RFX8: variants seen among roughly 807,000 people sequenced by gnomAD.
RFX8 encodes the protein regulatory factor X8.
In RFX8, 46 loss-of-function variants were observed where a neutral mutation model predicts 54.6. The observed-to-expected ratio is 0.84, with a 90% CI of 0.67 to 1.08. The LOEUF is 1.08. Ranked by LOEUF, RFX8 falls within the 50% of genes least tolerant of loss-of-function variation. The pLI is 0.00. For synonymous variants in RFX8, 192 were observed against 209.5 expected, an observed-to-expected ratio of 0.92 and a Z score of 0.72; for missense variants, 536 against 562.3, an observed-to-expected ratio of 0.95 and a Z score of 0.47.
chr2:101,404,592 ATT>A (rs536049460), intron 10 of RFX8, among the ~76,000 whole-genome samples: 8 of 143,486 alleles, frequency 5.6e-5, no homozygotes, highest in African/African-American at 2.0e-4. Flanking sequence ...CACCTGGCTA[ATT>A]TTTTTTTTTT....
chr2:101,452,389 C>A, intron 2 of RFX8: 1 of 1,432,614 alleles, frequency 7.0e-7, no homozygotes, highest in Non-Finnish European at 9.1e-7. Flanking sequence ...ACCTACCTGG[C>A]ACTTCCTCTA....
intron 10 of RFX8, among the ~76,000 whole-genome samples, chr2:101,405,662 C>G (rs933936936): frequency 1.3e-5 from 2 of 152,002 alleles, no homozygotes; most frequent in Non-Finnish European, 2.9e-5. Context: ...GTGCTTTTCT[C>G]TAAATGTCAC....
chr2:101,474,413 G>C, intron 1 of RFX8: 1 of 379,694 alleles, frequency 2.6e-6, no homozygotes, highest in Non-Finnish European at 4.7e-6. Context: ...GCGGGGCGCG[G>C]GGCGGGAGCC....
chr2:101,427,249 C>G (rs1016610757), intron 2 of RFX8, among the ~76,000 whole-genome samples: 1 of 152,144 alleles, frequency 6.6e-6, no homozygotes, highest in African/African-American at 2.4e-5. Flanking sequence ...GGCAAAGGGA[C>G]CTTGCAGATG....
intron 2 of RFX8, among the ~76,000 whole-genome samples, chr2:101,435,993 C>G (rs1336747400): frequency 6.6e-6 from 1 of 152,174 alleles, no homozygotes; most frequent in Non-Finnish European, 1.5e-5. Context: ...AGCCACCTCT[C>G]CAGGTGTCCA....
rs1260435329 is a variant in RFX8 at position 101,397,390 on chromosome 2, GA to G, written c.*157del. On this transcript the variant is annotated 3_prime_UTR_variant, in exon 12 of 12. Coordinates refer to ENST00000428343, the MANE Select transcript of RFX8 (RefSeq NM_001145664.2). ...TCCAAATCAGTTTACATATTTTATC[GA>G]AACCACCTCCTTGAAATACATATAA... 1 of 439,652 alleles carries G rather than the reference GA, an allele frequency of 2.3e-6. No homozygotes were observed. The highest frequency in any genetic ancestry group is 3.8e-6 in the Non-Finnish European group (1 of 264,168). The allele number at this position is 439,652 out of a possible 1,614,324, so 27.2% of individuals were successfully genotyped here. A position where few individuals can be genotyped will look rare whatever the true frequency, so the allele number is the denominator to read the frequency against.
At chr2:101,401,349 T>C (rs1211228048) in intron 11 of RFX8, among the ~76,000 whole-genome samples, 3 of 152,120 alleles carry the variant, frequency 2.0e-5, no homozygotes, top group African/African-American at 2.4e-5. Flanking sequence ...ATCTCTGCAA[T>C]CGGAGAACTC....
chr2:101,449,190 ACG>A (rs1688551532), intron 2 of RFX8, among the ~76,000 whole-genome samples: 1 of 140,754 alleles, frequency 7.1e-6, no homozygotes, highest in African/African-American at 2.6e-5. Flanking sequence ...TAGGCAACAC[ACG>A]GTTGGAAAGT....
At chr2:101,404,723 G>A (rs1288648322) in intron 10 of RFX8, among the ~76,000 whole-genome samples, 2 of 151,786 alleles carry the variant, frequency 1.3e-5, no homozygotes, top group Non-Finnish European at 2.9e-5. Context: ...CACCACACCC[G>A]GCTCAGGGCT....
chr2:101,421,537 A>G (rs958410382), intron 4 of RFX8, 187 bp downstream of exon 4: 25 of 1,308,170 alleles, frequency 1.9e-5, no homozygotes, highest in Non-Finnish European at 2.2e-5. Flanking sequence ...TACACTGAAT[A>G]TCGATCTCAC....
intron 1 of RFX8, chr2:101,474,395 G>A (rs566220100): frequency 6.8e-5 from 26 of 383,160 alleles, no homozygotes; most frequent in African/African-American, 4.8e-4. Flanking sequence ...GGAGCGCGCG[G>A]GGGGCGCGCG....
At chr2:101,418,400 A>G (rs1414743878) in intron 5 of RFX8, among the ~76,000 whole-genome samples, 2 of 152,196 alleles carry the variant, frequency 1.3e-5, no homozygotes, top group Non-Finnish European at 2.9e-5. Flanking sequence ...GCTGAAGGAG[A>G]ACACCTTTTT....
intron 2 of RFX8, chr2:101,452,315 A>T (rs1024644267): frequency 2.3e-6 from 2 of 853,656 alleles, no homozygotes; most frequent in Middle Eastern, 2.3e-4. Flanking sequence ...TGCATTTTTT[A>T]TCATTCATTT....
intron 2 of RFX8, among the ~76,000 whole-genome samples, chr2:101,440,143 A>G (rs6710049): frequency 0.76 from 114,884 of 151,844 alleles, 44,429 homozygotes; most frequent in Middle Eastern, 0.88. Flanking sequence ...TTCATATACC[A>G]TACAATTCAC....
At chr2:101,466,212 G>A (rs1209836807) in intron 2 of RFX8, among the ~76,000 whole-genome samples, 1 of 151,834 alleles carries the variant, frequency 6.6e-6, no homozygotes, top group Non-Finnish European at 1.5e-5. Flanking sequence ...AGATGCAAGA[G>A]GCAGGAGGCT....
chr2:101,401,518 T>C (rs1394154088), intron 11 of RFX8, among the ~76,000 whole-genome samples: 1 of 152,238 alleles, frequency 6.6e-6, no homozygotes, highest in Non-Finnish European at 1.5e-5. Context: ...ACAACTCATC[T>C]GTGCGAGAGG....
chr2:101,447,679 C>A (rs911839850), intron 2 of RFX8, among the ~76,000 whole-genome samples: 2 of 152,138 alleles, frequency 1.3e-5, no homozygotes, highest in Non-Finnish European at 2.9e-5. Context: ...ACTATAGTCA[C>A]CCTACTGGGC....
intron 2 of RFX8, among the ~76,000 whole-genome samples, chr2:101,454,068 C>T (rs1482713662): frequency 1.4e-5 from 2 of 148,128 alleles, no homozygotes; most frequent in Non-Finnish European, 3.0e-5. Context: ...CCCCGACAGG[C>T]CCCGGTGTGT....
chr2:101,418,888 C>A lies in RFX8; in HGVS notation c.314G>T (p.Cys105Phe), dbSNP rs1484073782. Residue 105 changes from cysteine (C) to phenylalanine (F), a missense_variant, in exon 5 of 12, where the codon TGC (cysteine) becomes TTC (phenylalanine). Cys to Phe is a radical substitution (Grantham distance 205, BLOSUM62 -2). Coordinates refer to ENST00000428343, the MANE Select transcript of RFX8 (RefSeq NM_001145664.2). Reference sequence around the variant, plus strand: ...GACGTCGTAGCATTTAAAGAGCTGGCACACGTCAGGCAATGACATCAGCAT... The same window carrying A: ...GACGTCGTAGCATTTAAAGAGCTGGAACACGTCAGGCAATGACATCAGCAT... The part of the protein sequence containing the change: ...TVMLMSLPDV[C>F]QLFKCYDVQL... 1 of 1,551,464 alleles carries A rather than the reference C, an allele frequency of 6.4e-7. No individual in the cohort carries two copies. Among genetic ancestry groups the A allele is most frequent in the Admixed American group, 2.0e-5 (1 of 51,010 alleles).
Sources: gnomAD v4.1 joint callset for allele counts (sites outside exome capture counted in the v4.1 genomes callset) on GRCh38, gnomAD v4.1.1 for gene constraint, MANE v1.5 for transcripts, NCBI Gene and HGNC (gene_info 2026-07-23, HGNC 2026-07-21) for gene names.